C20orf203: variants seen among roughly 807,000 people sequenced by gnomAD.
C20orf203 encodes the protein uncharacterized protein C20orf203.
In C20orf203, 16 loss-of-function variants were observed where a neutral mutation model predicts 15.9. The ratio of observed to expected loss-of-function variants is 1.01; its 90% CI spans 0.68 to 1.53. The LOEUF is 1.53. Ranked by LOEUF, C20orf203 falls within the 40% of genes most tolerant of loss-of-function variation. The pLI, the probability that C20orf203 is intolerant of heterozygous loss-of-function variation, is 0.00. For missense variants in C20orf203, 263 were observed against 247.5 expected (o/e 1.06, Z -0.42); for synonymous variants, 98 against 97.2 (o/e 1.01, Z -0.05).
chr20:32,642,134 C>A lies in C20orf203; in HGVS notation c.*1178-1447G>T, dbSNP rs561253414. On this transcript the variant is annotated intron_variant, in intron 4 of 5. Transcript: ENST00000608990. ...GGGATTACAGGTGTGAGCCACTGTGCCCAACCAAAATTGGGTTATTTGTGT... is the reference window on the plus strand; with the variant it reads ...GGGATTACAGGTGTGAGCCACTGTGACCAACCAAAATTGGGTTATTTGTGT... Among the ~76,000 whole-genome samples, 7 of 152,314 alleles carry A rather than the reference C, an allele frequency of 4.6e-5. No individual in the cohort carries two copies. In the East Asian group the frequency reaches 1.3e-3, roughly 29 times the overall value.
chr20:32,640,269 CTAATTTTT>C (rs757450931), intron 5 of C20orf203, among the ~76,000 whole-genome samples: 20 of 152,174 alleles, frequency 1.3e-4, no homozygotes, highest in Admixed American at 2.6e-4. Context: ...TCCATATTTT[CTAATTTTT>C]TTAATAACAG....
intron 1 of C20orf203, among the ~76,000 whole-genome samples, chr20:32,668,756 G>A (rs1371630475): frequency 6.6e-6 from 1 of 152,168 alleles, no homozygotes; most frequent in Non-Finnish European, 1.5e-5. Flanking sequence ...TCGGGAGGTT[G>A]CAGTGAGCCA....
chr20:32,634,879 C>A (rs1982094658), intron 5 of C20orf203, among the ~76,000 whole-genome samples: 1 of 152,198 alleles, frequency 6.6e-6, no homozygotes. Context: ...TGGTGATGGA[C>A]TAACCTGGGG....
intron 1 of C20orf203, among the ~76,000 whole-genome samples, chr20:32,655,353 C>T (rs1234120585): frequency 6.6e-6 from 1 of 152,136 alleles, no homozygotes; most frequent in East Asian, 1.9e-4. Context: ...AGGAGGATCG[C>T]TTGAGACTGG....
At position 32,650,343 on chromosome 20, in the gene C20orf203, G is replaced by A. The variant is rs1269738646; in HGVS notation, c.*89C>T. On this transcript the variant is annotated 3_prime_UTR_variant, in exon 4 of 6. Coordinates refer to ENST00000608990, the MANE Select transcript of C20orf203 (RefSeq NM_182584.4). ...CCACTCTGGGGAGCAGAATGATTGT[G>A]GGGGGTGGTAACAGGGGACACCCTG... is the stretch of plus-strand genomic sequence containing the variant. 2 of 912,428 alleles carry A rather than the reference G, an allele frequency of 2.2e-6. No individual in the cohort carries two copies. The highest frequency in any genetic ancestry group is 2.6e-5 in the East Asian group (1 of 37,824). The allele number at this position is 912,428 out of a possible 1,614,324, so 56.5% of individuals were successfully genotyped here. A position where few individuals can be genotyped will look rare whatever the true frequency, so the allele number is the denominator to read the frequency against.
chr20:32,636,351 C>T (rs1982138090), intron 5 of C20orf203, among the ~76,000 whole-genome samples: 1 of 152,228 alleles, frequency 6.6e-6, no homozygotes, highest in Non-Finnish European at 1.5e-5. Flanking sequence ...GTGCAGACAT[C>T]TGAACACTTG....
At chr20:32,671,121 G>C (rs1014699641) in intron 1 of C20orf203, among the ~76,000 whole-genome samples, 1 of 152,114 alleles carries the variant, frequency 6.6e-6, no homozygotes, top group Admixed American at 6.5e-5. Context: ...AAACAGTATG[G>C]AGGTTTCTCA....
intron 4 of C20orf203, among the ~76,000 whole-genome samples, chr20:32,643,526 C>T (rs2145664776): frequency 6.6e-6 from 1 of 152,000 alleles, no homozygotes; most frequent in South Asian, 2.1e-4. Flanking sequence ...AAAGTGGATC[C>T]CATGGACTTC....
At chr20:32,640,856 C>G (rs4911251) in intron 4 of C20orf203, among the ~76,000 whole-genome samples, 169 bp from the exon 5 acceptor site, 90,615 of 152,024 alleles carry the variant, frequency 0.6, 27,698 homozygotes, top group East Asian at 0.81. Flanking sequence ...GGATTTCCCT[C>G]TTCTGGACAT....
chr20:32,635,149 G>T (rs539410945), intron 5 of C20orf203, among the ~76,000 whole-genome samples: 8 of 151,010 alleles, frequency 5.3e-5, no homozygotes, highest in Non-Finnish European at 1.2e-4. Flanking sequence ...AGACAAGATT[G>T]TGCCACTGCA....
intron 1 of C20orf203, among the ~76,000 whole-genome samples, chr20:32,662,589 C>T (rs1444711435): frequency 5.3e-5 from 8 of 152,014 alleles, no homozygotes; most frequent in Non-Finnish European, 1.2e-4. Context: ...CAAAGTGAGA[C>T]TCTGTCTCAA....
chr20:32,655,275 G>T (rs757085717), intron 1 of C20orf203, among the ~76,000 whole-genome samples: 41 of 152,194 alleles, frequency 2.7e-4, no homozygotes, highest in Non-Finnish European at 5.3e-4. Context: ...GGCTTCATCA[G>T]AATTTAAAAT....
Position 32,650,401 on chromosome 20 carries a change from A to C in C20orf203, c.*31T>G. 6.7e-7 allele frequency: 1 copy of C among 1,499,442 alleles called. No individual in the cohort carries two copies. The highest frequency in any genetic ancestry group is 1.2e-5 in the South Asian group (1 of 80,266). The allele number at this position is 1,499,442 out of a possible 1,614,324, so 92.9% of individuals were successfully genotyped here. On this transcript the variant is annotated 3_prime_UTR_variant, in exon 4 of 6. Coordinates refer to ENST00000608990, the MANE Select transcript of C20orf203 (RefSeq NM_182584.4). ...GGTGGCCTTGGTAGGACAGGCAGGC[A>C]GAGCTGGGGGTGGGGGCGCCCTGGG...
intron 2 of C20orf203, among the ~76,000 whole-genome samples, 182 bp from the exon 3 acceptor site, chr20:32,651,348 A>C (rs948567314): frequency 1.4e-4 from 7 of 51,586 alleles, no homozygotes; most frequent in Admixed American, 3.0e-4. Flanking sequence ...AACCCTATTC[A>C]AAAAAAAAAA....
chr20:32,652,890 C>T (rs1210499763), intron 1 of C20orf203, among the ~76,000 whole-genome samples: 2 of 152,130 alleles, frequency 1.3e-5, no homozygotes. Context: ...CAACCCAAAG[C>T]GGGCAGGGTG....
At chr20:32,656,720 C>T (rs1301625077) in intron 1 of C20orf203, 1 of 151,894 alleles carries the variant, frequency 6.6e-6, no homozygotes, top group East Asian at 1.9e-4. Flanking sequence ...AAAAAATAGC[C>T]AGGTGTGGTG....
At chr20:32,645,623 G>A (rs1982403472) in intron 4 of C20orf203, among the ~76,000 whole-genome samples, 1 of 152,214 alleles carries the variant, frequency 6.6e-6, no homozygotes, top group Non-Finnish European at 1.5e-5. Context: ...AGAGGAGAGA[G>A]AGCCAGCACC....
chr20:32,666,800 T>TAC (rs1983043077), intron 1 of C20orf203, among the ~76,000 whole-genome samples: 1 of 85,354 alleles, frequency 1.2e-5, no homozygotes, highest in Non-Finnish European at 2.5e-5. Context: ...TTTTAATTTA[T>TAC]ATATATATAT....
At chr20:32,661,381 G>T (rs1380084417) in intron 1 of C20orf203, among the ~76,000 whole-genome samples, 1 of 152,210 alleles carries the variant, frequency 6.6e-6, no homozygotes. Flanking sequence ...AAAGGTCTAA[G>T]TAGGCCAGGC....
Sources: allele counts gnomAD v4.1 joint callset (sites outside exome capture counted in the v4.1 genomes callset), GRCh38; gene constraint gnomAD v4.1.1; transcripts MANE v1.5; gene names NCBI Gene and HGNC (gene_info 2026-07-23, HGNC 2026-07-21).